FAT3: variants seen among roughly 807,000 people sequenced by gnomAD.
FAT3 encodes the protein FAT atypical cadherin 3, also known as protocadherin Fat 3.
In FAT3, 95 loss-of-function variants were observed where a neutral mutation model predicts 310.2. That is an observed-to-expected ratio of 0.31 (90% confidence interval 0.26 to 0.36). The LOEUF is 0.36. Among genes scored for constraint, FAT3 ranks in the 10% least tolerant of loss-of-function variants. FAT3 has a pLI of 1.00. For synonymous variants in FAT3, 2,314 were observed against 2,192.9 expected (o/e 1.06, Z -1.54); for missense variants, 5,408 against 5,715.6 (o/e 0.95, Z 1.74).
At chr11:92,852,960 CTTGGG>C (rs1259564727) in intron 19 of FAT3, among the ~76,000 whole-genome samples, 25 of 152,180 alleles carry the variant, frequency 1.6e-4, no homozygotes, top group Admixed American at 1.6e-3. Flanking sequence ...TCACAGGATC[CTTGGG>C]GTGTTGCTTC....
intron 3 of FAT3, among the ~76,000 whole-genome samples, chr11:92,589,580 C>A (rs1329574116): frequency 6.6e-6 from 1 of 151,922 alleles, no homozygotes; most frequent in East Asian, 1.9e-4. Context: ...TTACTTAAGC[C>A]TGAGTTTGTT....
intron 1 of FAT3, among the ~76,000 whole-genome samples, chr11:92,315,893 G>T (rs184260952): frequency 2.6e-5 from 4 of 152,048 alleles, no homozygotes; most frequent in African/African-American, 9.6e-5. Context: ...AAAGGGGAAA[G>T]GTTGAAATTT....
intron 3 of FAT3, among the ~76,000 whole-genome samples, chr11:92,556,758 C>T (rs1955036122): frequency 1.3e-5 from 2 of 152,136 alleles, no homozygotes; most frequent in African/African-American, 4.8e-5. Context: ...GCCAAGCCCA[C>T]CACAGGAGAG....
At chr11:92,281,239 G>A (rs77270366) in intron 1 of FAT3, among the ~76,000 whole-genome samples, 10,254 of 152,076 alleles carry the variant, frequency 0.067, 793 homozygotes, top group African/African-American at 0.19. Context: ...AGTGGGGAGT[G>A]GAAGAGAGAT....
At chr11:92,769,954 C>G (rs988744094) in intron 6 of FAT3, among the ~76,000 whole-genome samples, 6 of 152,282 alleles carry the variant, frequency 3.9e-5, no homozygotes, top group African/African-American at 1.4e-4. Context: ...CTAGCAGCAG[C>G]CTTGTTCTTC....
chr11:92,893,123 T>C lies in FAT3; in HGVS notation c.*2010T>C, dbSNP rs1389884909. ...TTATTTCAATTGCGTTTAATCCACT[T>C]CTTTTTTATGAGTCAGTGTTTCTGA... On this transcript the variant is annotated 3_prime_UTR_variant, in exon 28 of 28. Transcript: ENST00000525166. The C allele has an allele frequency of 5.9e-5, 9 of 152,154 alleles. No homozygotes were observed. Among genetic ancestry groups the C allele is most frequent in the Admixed American group, 6.5e-5 (1 of 15,282 alleles). The allele number at this position is 152,154 out of a possible 1,614,324, so 9.4% of individuals were successfully genotyped here.
intron 19 of FAT3, among the ~76,000 whole-genome samples, chr11:92,853,485 G>A (rs1948887070): frequency 6.6e-6 from 1 of 152,202 alleles, no homozygotes; most frequent in South Asian, 2.1e-4. Context: ...CAGGGGAGGT[G>A]TTTTTCAGCC....
intron 19 of FAT3, among the ~76,000 whole-genome samples, chr11:92,855,014 T>G (rs1476533187): frequency 6.6e-6 from 1 of 152,214 alleles, no homozygotes; most frequent in Non-Finnish European, 1.5e-5. Flanking sequence ...GTTACATCTA[T>G]TTGATGGGAT....
At chr11:92,266,595 C>G (rs1945960111) in intron 1 of FAT3, among the ~76,000 whole-genome samples, 1 of 152,114 alleles carries the variant, frequency 6.6e-6, no homozygotes, top group Non-Finnish European at 1.5e-5. Flanking sequence ...AAACACACGT[C>G]CCTTTCCACT....
At chr11:92,833,462 A>G (rs1047550195) in intron 14 of FAT3, among the ~76,000 whole-genome samples, 3 of 152,232 alleles carry the variant, frequency 2.0e-5, no homozygotes, top group African/African-American at 7.2e-5. Flanking sequence ...TACTAAGTAC[A>G]AAACAGAATT....
At chr11:92,750,105 C>T (rs113208245) in intron 4 of FAT3, among the ~76,000 whole-genome samples, 1 of 152,142 alleles carries the variant, frequency 6.6e-6, no homozygotes, top group Non-Finnish European at 1.5e-5. Context: ...CTTCTTGCTG[C>T]GTGTGGTTGG....
In FAT3 at chr11:92,524,799, A is replaced by G; in HGVS notation, c.3458A>G (p.Tyr1153Cys). Residue 1153 changes from tyrosine to cysteine, a missense_variant, in exon 3 of 28, where the codon TAT becomes TGT. Transcript: ENST00000525166. Reference sequence around the variant, plus strand: ...GCCCCGCTGACCTCAGAACCTATATATTATCCTGTTGTCATGGAAAACTCT... The same window carrying G: ...GCCCCGCTGACCTCAGAACCTATATGTTATCCTGTTGTCATGGAAAACTCT... ...DNAPLTSEPI[Y>C]YPVVMENSPK... is the part of the protein sequence containing the mutation. The G allele has an allele frequency of 1.2e-6, 2 of 1,613,734 alleles. No homozygotes were observed. The highest frequency in any genetic ancestry group is 1.7e-6 in the Non-Finnish European group (2 of 1,179,804).
At chr11:92,378,789 G>A (rs541329665) in intron 2 of FAT3, among the ~76,000 whole-genome samples, 3 of 152,242 alleles carry the variant, frequency 2.0e-5, no homozygotes, top group South Asian at 2.1e-4. Context: ...GCAAGGAGCC[G>A]ACAGATTCAG....
At chr11:92,813,268 T>C (rs915168332) in intron 13 of FAT3, among the ~76,000 whole-genome samples, 7 of 152,206 alleles carry the variant, frequency 4.6e-5, no homozygotes, top group Non-Finnish European at 7.3e-5. Flanking sequence ...AAAGGTCTTA[T>C]TTTTAAGCTT....
At chr11:92,229,503 TTTTGTTTTTTG>T (rs1441081984) in intron 1 of FAT3, among the ~76,000 whole-genome samples, 3,564 of 74,784 alleles carry the variant, frequency 0.048, 261 homozygotes, top group South Asian at 0.1. Flanking sequence ...TTTTTTTTTT[TTTTGTTTTTTG>T]TTTTTTTTTA....
chr11:92,471,307 C>G (rs185953209), intron 2 of FAT3, among the ~76,000 whole-genome samples: 2 of 152,094 alleles, frequency 1.3e-5, no homozygotes, highest in Admixed American at 1.3e-4. Context: ...AATTTGTTTC[C>G]TATAAAAACT....
At chr11:92,666,804 G>T (rs529833549) in intron 3 of FAT3, among the ~76,000 whole-genome samples, 3 of 152,112 alleles carry the variant, frequency 2.0e-5, no homozygotes, top group African/African-American at 7.2e-5. Flanking sequence ...CCATATTGCC[G>T]CAAGACAGTA....
At chr11:92,530,914 G>C (rs1954044511) in intron 3 of FAT3, among the ~76,000 whole-genome samples, 1 of 139,494 alleles carries the variant, frequency 7.2e-6, no homozygotes, top group African/African-American at 2.7e-5. Flanking sequence ...AAAAAAAAAA[G>C]GTGAGGTACA....
At chr11:92,225,321 T>G (rs917195459) in intron 1 of FAT3, among the ~76,000 whole-genome samples, 147 bp downstream of exon 1, 1 of 152,012 alleles carries the variant, frequency 6.6e-6, no homozygotes, top group African/African-American at 2.4e-5. Flanking sequence ...TGGGGGAAAC[T>G]TTTCACCTTG....
Sources: allele counts gnomAD v4.1 joint callset (sites outside exome capture counted in the v4.1 genomes callset), GRCh38; gene constraint gnomAD v4.1.1; transcripts MANE v1.5; gene names NCBI Gene and HGNC (gene_info 2026-07-23, HGNC 2026-07-21).